The following MAN2A1 variants were observed in gnomAD, a reference collection of about 807,000 sequenced individuals.
MAN2A1 encodes the protein mannosidase alpha class 2A member 1.
MAN2A1 carries 76 observed loss-of-function variants against 142.6 expected under a neutral mutation model. That is an observed-to-expected ratio of 0.53 (90% CI 0.44 to 0.65). The LOEUF (loss-of-function observed/expected upper bound fraction) is 0.65. Ranked by LOEUF, MAN2A1 falls within the 30% of genes least tolerant of loss-of-function variation. The pLI is 0.00. For synonymous variants in MAN2A1, 559 were observed against 473.2 expected, an observed-to-expected ratio of 1.18 and a Z score of -2.35; for missense variants, 1,311 against 1,365.1, an observed-to-expected ratio of 0.96 and a Z score of 0.62.
At chr5:109,692,279 G>A (rs1372715329) in intron 1 of MAN2A1, among the ~76,000 whole-genome samples, 1 of 152,186 alleles carries the variant, frequency 6.6e-6, no homozygotes, top group Non-Finnish European at 1.5e-5. Flanking sequence ...TAAAGCATTT[G>A]ATGAAAGGTC....
intron 12 of MAN2A1, among the ~76,000 whole-genome samples, chr5:109,799,836 C>A (rs1031166595): frequency 2.6e-5 from 4 of 151,834 alleles, no homozygotes; most frequent in Non-Finnish European, 5.9e-5. Context: ...CCCTATAATC[C>A]CAGCACTTTG....
intron 4 of MAN2A1, among the ~76,000 whole-genome samples, chr5:109,739,209 C>T (rs562332992): frequency 1.1e-4 from 16 of 152,120 alleles, no homozygotes; most frequent in African/African-American, 3.9e-4. Context: ...TTATATAATG[C>T]TTCATTGAAG....
intron 9 of MAN2A1, 66 bp from the exon 10 acceptor site, chr5:109,784,678 C>T: frequency 7.8e-7 from 1 of 1,281,152 alleles, no homozygotes; most frequent in Non-Finnish European, 1.1e-6. Context: ...GTATCAATGT[C>T]ACAAGTTTTA....
rs1755925208 is a variant in MAN2A1, at chr5:109,867,900, G to A, written c.*902G>A. 2 of 152,112 alleles carry A rather than the reference G, an allele frequency of 1.3e-5. No homozygotes were observed. The highest frequency in any genetic ancestry group is 6.6e-5 in the Admixed American group (1 of 15,264). The allele number at this position is 152,112 out of a possible 1,614,324, so 9.4% of individuals were successfully genotyped here. A position where few individuals can be genotyped will look rare whatever the true frequency, so the allele number is the denominator to read the frequency against. The stretch of plus-strand genomic sequence containing the variant: ...TACTGTTTGGGGAAGGGGGAATGTT[G>A]TGGGGTCTGGGAGAGGGTGGGTACT... On this transcript the variant is annotated 3_prime_UTR_variant, in exon 22 of 22. Transcript: ENST00000261483.
intron 4 of MAN2A1, among the ~76,000 whole-genome samples, chr5:109,743,683 T>C (rs1752329517): frequency 6.6e-6 from 1 of 152,210 alleles, no homozygotes; most frequent in South Asian, 2.1e-4. Flanking sequence ...TTCGTCTCCA[T>C]TGCTCTTGTC....
At chr5:109,728,144 A>G (rs1436912947) in intron 3 of MAN2A1, among the ~76,000 whole-genome samples, 3 of 152,348 alleles carry the variant, frequency 2.0e-5, no homozygotes, top group East Asian at 3.9e-4. Flanking sequence ...GTAGATTTCA[A>G]TTAAAGCAAG....
At chr5:109,866,157 T>G (rs1241346243) in intron 21 of MAN2A1, among the ~76,000 whole-genome samples, 1 of 152,238 alleles carries the variant, frequency 6.6e-6, no homozygotes, top group Non-Finnish European at 1.5e-5. Context: ...TTTATTACTT[T>G]TTTATTATAC....
intron 16 of MAN2A1, among the ~76,000 whole-genome samples, chr5:109,829,305 CTG>C (rs1754842793): frequency 6.6e-6 from 1 of 152,218 alleles, no homozygotes; most frequent in Non-Finnish European, 1.5e-5. Context: ...TCCATTCAAA[CTG>C]TCACAAAATT....
chr5:109,690,495 G>A lies in MAN2A1; in HGVS notation c.78G>A (p.Leu26=), dbSNP rs749733691. The change falls in exon 1 of 22, where the codon CTG becomes CTA. Residue 26 remains leucine, a synonymous_variant. Coordinates refer to ENST00000261483, the MANE Select transcript of MAN2A1 (RefSeq NM_002372.4). ...TGATTTTCTCGCTCTACCTGATGCT[G>A]GACCGGGGTCACTTAGACTACCCCA... is the stretch of plus-strand genomic sequence containing the variant. ...CVVIFSLYLM[L]DRGHLDYPRN... 2 of 1,613,840 alleles carry A rather than the reference G, an allele frequency of 1.2e-6. No individual in the cohort carries two copies. The highest frequency in any genetic ancestry group is 1.7e-6 in the Non-Finnish European group (2 of 1,179,814).
At chr5:109,792,418 C>T (rs952787263) in intron 12 of MAN2A1, among the ~76,000 whole-genome samples, 1 of 151,912 alleles carries the variant, frequency 6.6e-6, no homozygotes. Flanking sequence ...ACCCTTTTGT[C>T]TTCAATTTCC....
intron 12 of MAN2A1, among the ~76,000 whole-genome samples, chr5:109,800,474 T>C (rs1459954356): frequency 6.6e-6 from 1 of 152,182 alleles, no homozygotes; most frequent in Non-Finnish European, 1.5e-5. Flanking sequence ...AGGGAATCTG[T>C]CCTGCAGAAA....
intron 19 of MAN2A1, among the ~76,000 whole-genome samples, chr5:109,852,098 G>A (rs2112769605): frequency 6.7e-6 from 1 of 148,712 alleles, no homozygotes; most frequent in Non-Finnish European, 1.5e-5. Context: ...GTTTTTTGAG[G>A]TTGCTTTTTT....
chr5:109,866,942 A>C lies in MAN2A1; in HGVS notation c.3379A>C (p.Ser1127Arg). 1 of 1,612,928 alleles carries C rather than the reference A, an allele frequency of 6.2e-7. No individual in the cohort carries two copies. The highest frequency in any genetic ancestry group is 8.5e-7 in the Non-Finnish European group (1 of 1,179,352). ...TTCACCTCCCGGCACTCAGAATATA[A>C]GTGAGATCAACTTGAGTCCAATGGA... ...MHSPPGTQNI[S>R]EINLSPMEIS... is the part of the protein sequence containing the mutation. The change falls in exon 22 of 22, where the codon AGT becomes CGT. Residue 1127 changes from serine to arginine, a missense_variant. Coordinates refer to ENST00000261483, the MANE Select transcript of MAN2A1 (RefSeq NM_002372.4).
chr5:109,757,375 A>G (rs912579702), intron 5 of MAN2A1, among the ~76,000 whole-genome samples: 1 of 152,206 alleles, frequency 6.6e-6, no homozygotes, highest in Non-Finnish European at 1.5e-5. Flanking sequence ...AGTGAGTTTT[A>G]ACAATGTACA....
At chr5:109,713,414 G>A in intron 1 of MAN2A1, 106 bp from the exon 2 acceptor site, 3 of 892,952 alleles carry the variant, frequency 3.4e-6, no homozygotes, top group Non-Finnish European at 4.9e-6. Flanking sequence ...TGAAGGGTGA[G>A]TGGCTGCCCT....
chr5:109,738,408 T>C (rs6877418), intron 4 of MAN2A1, among the ~76,000 whole-genome samples: 46,137 of 151,794 alleles, frequency 0.3, 7,446 homozygotes, highest in East Asian at 0.64. Context: ...TCATCATTGA[T>C]ACCATCTTTT....
intron 4 of MAN2A1, among the ~76,000 whole-genome samples, chr5:109,733,313 G>T (rs1403560210): frequency 6.6e-6 from 1 of 152,200 alleles, no homozygotes; most frequent in Non-Finnish European, 1.5e-5. Flanking sequence ...TGCAAACAGG[G>T]ACAATGTGAC....
intron 21 of MAN2A1, among the ~76,000 whole-genome samples, chr5:109,866,550 G>A (rs1755888727): frequency 6.6e-6 from 1 of 152,092 alleles, no homozygotes. Context: ...AATACAAAAA[G>A]GAATGCAGAA....
chr5:109,838,474 A>G lies in MAN2A1; in HGVS notation c.2567-3854A>G, dbSNP rs537538069. On this transcript the variant is annotated intron_variant, in intron 16 of 21. Transcript: ENST00000261483. ...GCCATGTGATGCACAGGTAAAACAG[A>G]CCACTGGATACTGCTGGTTTGCATT... 3.9e-5 allele frequency among the ~76,000 whole-genome samples: 6 copies of G among 152,252 alleles called. No homozygotes were observed. In the East Asian group the frequency reaches 1.2e-3, roughly 29 times the overall value.
Sources: gnomAD v4.1 joint callset for allele counts (sites outside exome capture counted in the v4.1 genomes callset) on GRCh38, gnomAD v4.1.1 for gene constraint, MANE v1.5 for transcripts, NCBI Gene and HGNC (gene_info 2026-07-23, HGNC 2026-07-21) for gene names.